The following KCNMB4 variants were observed in gnomAD, a reference collection of about 807,000 sequenced individuals.
KCNMB4 encodes potassium calcium-activated channel subfamily M regulatory beta subunit 4.
Under a neutral mutation model 20.7 loss-of-function variants are expected in KCNMB4, and 3 were observed. The ratio of observed to expected loss-of-function variants is 0.14; its 90% confidence interval spans 0.07 to 0.37. The LOEUF is 0.37. KCNMB4 is among the 10% of genes least tolerant of loss of function. The pLI is 1.00. For synonymous variants in KCNMB4, 110 were observed against 113.4 expected (o/e 0.97, Z 0.19); for missense variants, 168 against 265.9 (o/e 0.63, Z 2.56).
intron 2 of KCNMB4, among the ~76,000 whole-genome samples, chr12:70,413,509 G>A (rs900829917): frequency 2.0e-5 from 3 of 152,084 alleles, no homozygotes; most frequent in South Asian, 2.1e-4. Flanking sequence ...GGCTCTCTTC[G>A]TGACTTAGTG....
At chr12:70,398,386 A>G (rs770694352) in intron 1 of KCNMB4, among the ~76,000 whole-genome samples, 1 of 152,162 alleles carries the variant, frequency 6.6e-6, no homozygotes, top group Non-Finnish European at 1.5e-5. Context: ...CTAATAGACA[A>G]TAGGACTGGA....
chr12:70,366,415 G>GAGGCTGGCAGGGGGCGC lies in KCNMB4; in HGVS notation c.-319_-303dup, dbSNP rs1883489500. 1 of 151,972 alleles carries GAGGCTGGCAGGGGGCGC rather than the reference G, an allele frequency of 6.6e-6. No homozygotes were observed. Among genetic ancestry groups the GAGGCTGGCAGGGGGCGC allele is most frequent in the Non-Finnish European group, 1.5e-5 (1 of 68,102 alleles). 9.4% of individuals were successfully genotyped at this position (151,972 alleles called of 1,614,324 possible). A position where few individuals can be genotyped will look rare whatever the true frequency, so the allele number is the denominator to read the frequency against. ...GGGAGGCGGGGAGAGTGCGGGGGCG[G>GAGGCTGGCAGGGGGCGC]AGGCTGGCAGGGGGCGCTGGAAGCT... On this transcript the variant is annotated 5_prime_UTR_variant, in exon 1 of 3. It removes the in-frame stop codon of an upstream open reading frame in the 5' UTR. Coordinates refer to ENST00000258111, the MANE Select transcript of KCNMB4 (RefSeq NM_014505.6).
At chr12:70,421,604 CAG>C (rs1869060998) in intron 2 of KCNMB4, among the ~76,000 whole-genome samples, 3 of 145,520 alleles carry the variant, frequency 2.1e-5, no homozygotes, top group Non-Finnish European at 4.5e-5. Context: ...ATTTTTGAGA[CAG>C]AGTCTCGCTC....
At chr12:70,386,627 G>A (rs893342919) in intron 1 of KCNMB4, among the ~76,000 whole-genome samples, 4 of 150,266 alleles carry the variant, frequency 2.7e-5, no homozygotes, top group African/African-American at 9.8e-5. Context: ...GATGGGGAAA[G>A]GTGCTTTCAT....
intron 1 of KCNMB4, among the ~76,000 whole-genome samples, chr12:70,395,587 G>A (rs1868343828): frequency 6.6e-6 from 1 of 152,098 alleles, no homozygotes; most frequent in Non-Finnish European, 1.5e-5. Context: ...GTAATAATAA[G>A]TACGTAATCA....
chr12:70,428,072 G>T (rs912226946), intron 2 of KCNMB4, among the ~76,000 whole-genome samples: 1 of 151,800 alleles, frequency 6.6e-6, no homozygotes, highest in Admixed American at 6.6e-5. Flanking sequence ...AAGCTGGAGT[G>T]CAGCAGCTTG....
intron 2 of KCNMB4, among the ~76,000 whole-genome samples, chr12:70,428,979 G>A (rs901332438): frequency 6.6e-6 from 1 of 152,164 alleles, no homozygotes; most frequent in Non-Finnish European, 1.5e-5. Context: ...CTTGTATTAT[G>A]TGCAAAATTT....
intron 1 of KCNMB4, among the ~76,000 whole-genome samples, chr12:70,391,930 G>A (rs563759537): frequency 2.6e-4 from 40 of 152,238 alleles, no homozygotes; most frequent in African/African-American, 9.1e-4. Flanking sequence ...ATGTGAAATG[G>A]GATGTATATT....
intron 1 of KCNMB4, among the ~76,000 whole-genome samples, chr12:70,373,682 T>C (rs1475749861): frequency 6.6e-6 from 1 of 152,246 alleles, no homozygotes; most frequent in African/African-American, 2.4e-5. Context: ...AGGTGACTTA[T>C]GATTAGATAT....
At chr12:70,400,884 G>T (rs1205519335) in intron 2 of KCNMB4, among the ~76,000 whole-genome samples, 2 of 152,134 alleles carry the variant, frequency 1.3e-5, no homozygotes, top group African/African-American at 4.8e-5. Flanking sequence ...ATGTTCCAGG[G>T]TTACCGCAAA....
At chr12:70,426,804 A>G (rs1471773389) in intron 2 of KCNMB4, among the ~76,000 whole-genome samples, 1 of 152,250 alleles carries the variant, frequency 6.6e-6, no homozygotes, top group Non-Finnish European at 1.5e-5. Flanking sequence ...TAGAAAGCAC[A>G]TAATAAATGC....
At chr12:70,400,879 C>G (rs1355507286) in intron 2 of KCNMB4, among the ~76,000 whole-genome samples, 5 of 152,168 alleles carry the variant, frequency 3.3e-5, no homozygotes, top group Non-Finnish European at 7.3e-5. Flanking sequence ...CTTGGATGTT[C>G]CAGGGTTACC....
intron 1 of KCNMB4, among the ~76,000 whole-genome samples, chr12:70,389,029 A>C (rs1868279655): frequency 6.6e-6 from 1 of 150,836 alleles, no homozygotes; most frequent in South Asian, 2.1e-4. Flanking sequence ...TGATGTATGC[A>C]GTTGAGATAC....
intron 1 of KCNMB4, among the ~76,000 whole-genome samples, chr12:70,383,098 T>C (rs1883823634): frequency 6.6e-6 from 1 of 152,182 alleles, no homozygotes; most frequent in Non-Finnish European, 1.5e-5. Flanking sequence ...GAGACCACAG[T>C]CATAAATGCA....
rs78353345 is a variant in KCNMB4, at chr12:70,390,187, C to T, written c.337-10022C>T. Reference sequence around the variant, plus strand: ...GAGTATTCCTTGGGGTCTGTATATCCCAGTATGAGGAAAACCAACCCAGAT... The same window carrying T: ...GAGTATTCCTTGGGGTCTGTATATCTCAGTATGAGGAAAACCAACCCAGAT... On this transcript the variant is annotated intron_variant, in intron 1 of 2. Coordinates refer to ENST00000258111, the MANE Select transcript of KCNMB4 (RefSeq NM_014505.6). 2.1e-4 allele frequency among the ~76,000 whole-genome samples: 32 copies of T among 152,214 alleles called. No individual in the cohort carries two copies. In the East Asian group the frequency reaches 4.4e-3, roughly 21 times the overall value.
In KCNMB4 at chr12:70,423,209, T is replaced by C. The variant is rs111659939; in HGVS notation, c.465-7276T>C. Reference sequence around the variant, plus strand: ...TTCTGGATATCCTGCCAAAACTGAATGCAAATTTTTCTCTCCAAAAACTGC... The same window carrying C: ...TTCTGGATATCCTGCCAAAACTGAACGCAAATTTTTCTCTCCAAAAACTGC... On this transcript the variant is annotated intron_variant, in intron 2 of 2. Coordinates refer to ENST00000258111, the MANE Select transcript of KCNMB4 (RefSeq NM_014505.6). Among the ~76,000 whole-genome samples the C allele has an allele frequency of 7.3e-3, 1,110 of 152,308 alleles. 12 individuals carry two copies. The highest frequency in any genetic ancestry group is 0.025 in the African/African-American group (1,059 of 41,554).
At chr12:70,415,730 T>C (rs1868897288) in intron 2 of KCNMB4, among the ~76,000 whole-genome samples, 2 of 152,236 alleles carry the variant, frequency 1.3e-5, no homozygotes, top group Non-Finnish European at 2.9e-5. Flanking sequence ...TTCTTTAATA[T>C]TACCTCTGCA....
intron 1 of KCNMB4, among the ~76,000 whole-genome samples, chr12:70,387,329 A>C (rs928596463): frequency 6.6e-6 from 1 of 150,874 alleles, no homozygotes; most frequent in Admixed American, 6.6e-5. Flanking sequence ...TGAACATTTC[A>C]TCACATATTT....
chr12:70,370,719 A>C (rs909305871), intron 1 of KCNMB4, among the ~76,000 whole-genome samples: 7 of 151,928 alleles, frequency 4.6e-5, no homozygotes, highest in African/African-American at 1.5e-4. Context: ...TTTAAATGAA[A>C]TGAACTTGAT....
Sources: gnomAD v4.1 joint callset for allele counts (sites outside exome capture counted in the v4.1 genomes callset) on GRCh38, gnomAD v4.1.1 for gene constraint, MANE v1.5 for transcripts, NCBI Gene and HGNC (gene_info 2026-07-23, HGNC 2026-07-21) for gene names.